Variants in TRAF3IP3 observed in about 807,000 individuals in gnomAD.
TRAF3IP3 encodes the protein TRAF3 interacting protein 3.
TRAF3IP3 carries 64 observed loss-of-function variants against 86.5 expected under a neutral mutation model. That is an observed-to-expected ratio of 0.74 (90% CI 0.60 to 0.91). The LOEUF (loss-of-function observed/expected upper bound fraction) is 0.91. Ranked by LOEUF, TRAF3IP3 falls within the 40% of genes least tolerant of loss-of-function variation. The pLI is 0.00. For missense variants in TRAF3IP3, 579 were observed against 642.9 expected, an observed-to-expected ratio of 0.90 and a Z score of 1.07; for synonymous variants, 220 against 243.9, an observed-to-expected ratio of 0.90 and a Z score of 0.91.
chr1:209,775,803 T>C (rs564467292), intron 11 of TRAF3IP3, 67 bp downstream of exon 11: 1 of 1,493,294 alleles, frequency 6.7e-7, no homozygotes, highest in Non-Finnish European at 9.0e-7. Context: ...TGAAAGAAGC[T>C]GTTCTGGATT....
chr1:209,763,408 C>T lies in TRAF3IP3; in HGVS notation c.606+16C>T. The T allele has an allele frequency of 3.7e-6, 6 of 1,613,758 alleles. No individual in the cohort carries two copies. The highest frequency in any genetic ancestry group is 5.1e-6 in the Non-Finnish European group (6 of 1,179,760). ...TTACCTCAAAGTAAGTGGCATGTGA[C>T]CCCTCCCCTCAGTTCCTCCATCCAC... On this transcript the variant is annotated intron_variant, in intron 7 of 16. Coordinates refer to ENST00000367025, the MANE Select transcript of TRAF3IP3 (RefSeq NM_025228.4).
chr1:209,775,577 T>A (rs1361448105), intron 10 of TRAF3IP3, 22 bp from the exon 11 acceptor site: 6 of 1,614,090 alleles, frequency 3.7e-6, no homozygotes, highest in Non-Finnish European at 5.1e-6. Context: ...CCTGGAGCCC[T>A]CTCCTCTCTG....
chr1:209,771,515 G>C (rs575305981), intron 8 of TRAF3IP3, among the ~76,000 whole-genome samples: 1 of 132,510 alleles, frequency 7.5e-6, no homozygotes, highest in East Asian at 2.3e-4. Flanking sequence ...GTGTGTGAAG[G>C]TGTGTGTGTG....
intron 9 of TRAF3IP3, among the ~76,000 whole-genome samples, chr1:209,774,745 G>T (rs1219303749): frequency 6.6e-6 from 1 of 152,172 alleles, no homozygotes; most frequent in Non-Finnish European, 1.5e-5. Context: ...GGCAAGATCA[G>T]ATTTGCATTT....
In TRAF3IP3 at chr1:209,782,069, G is replaced by T; in HGVS notation, c.1577G>T (p.Arg526Leu). ...GTCCCCCTACAGAGGCAATGTGGGC[G>T]ATGGCTCCCAGTGCTGATGGTGGTG... ...QQLPPRRQCG[R>L]WLPVLMVVIA... Residue 526 changes from arginine to leucine, a missense_variant, in exon 17 of 17, where the codon CGA (arginine) becomes CTA (leucine). Arg to Leu is a moderately radical substitution (Grantham distance 102). Transcript: ENST00000367025. 1 of 1,613,994 alleles carries T rather than the reference G, an allele frequency of 6.2e-7. No homozygotes were observed. Among genetic ancestry groups the T allele is most frequent in the Non-Finnish European group, 8.5e-7 (1 of 1,179,882 alleles).
chr1:209,768,187 T>C, intron 8 of TRAF3IP3: 4 of 985,462 alleles, frequency 4.1e-6, no homozygotes, highest in African/African-American at 3.5e-5. Context: ...TTCAGACCTT[T>C]ATTTTTGCCA....
At chr1:209,775,160 T>C in intron 9 of TRAF3IP3, 189 bp from the exon 10 acceptor site, 1 of 611,534 alleles carries the variant, frequency 1.6e-6, no homozygotes, top group Middle Eastern at 4.5e-4. Flanking sequence ...CTGTTTATTA[T>C]GCCCTCCACT....
chr1:209,775,381 A>G lies in TRAF3IP3; in HGVS notation c.807A>G (p.Leu269=), dbSNP rs536014144. ...CCCCTTGGGGAATGAAAAAAGTACT[A>G]CTGGAGATGGAAGACCAGAAAAACA... is the stretch of plus-strand genomic sequence containing the variant. ...KYSPWGMKKV[L]LEMEDQKNSY... Residue 269 remains leucine (L), a synonymous_variant, in exon 10 of 17, where the codon CTA becomes CTG. Transcript: ENST00000367025. 41 of 1,613,924 alleles carry G rather than the reference A, an allele frequency of 2.5e-5. No individual in the cohort carries two copies. The South Asian group carries it at 3.6e-4, about 14-fold the overall frequency.
intron 2 of TRAF3IP3, 26 bp downstream of exon 2, chr1:209,759,160 C>G (rs2077202341): frequency 1.3e-5 from 2 of 152,210 alleles, no homozygotes; most frequent in African/African-American, 4.8e-5. Context: ...GAAATGGAAC[C>G]CTCAGCCCCA....
chr1:209,766,461 C>T (rs78267924), intron 8 of TRAF3IP3, among the ~76,000 whole-genome samples: 6,161 of 152,212 alleles, frequency 0.04, 593 homozygotes, highest in East Asian at 0.3. Context: ...ATAAATAACA[C>T]CAAAACAGTA....
intron 8 of TRAF3IP3, among the ~76,000 whole-genome samples, chr1:209,771,595 T>G (rs1360372555): frequency 9.4e-6 from 1 of 106,404 alleles, no homozygotes; most frequent in Non-Finnish European, 1.8e-5. Flanking sequence ...CATGTGGAGG[T>G]GTGTGTGCGC....
At position 209,763,087 on chromosome 1, in the gene TRAF3IP3, G is replaced by C. The variant is rs753776916; in HGVS notation, c.571G>C (p.Asp191His). ...TTCCAGTTACGGAGTTGCAGTTCTG[G>C]ATAAGGTAAGCACATATTCACTTTG... Reference protein sequence around the residue: ...QQTNYGVAVLDKEIIQLSDYL... With the variant: ...QQTNYGVAVLHKEIIQLSDYL... Residue 191 changes from aspartate to histidine, a missense_variant, in exon 6 of 17, where the codon GAT becomes CAT. Physicochemically the swap from Asp to His is moderately conservative, Grantham distance 81. Coordinates refer to ENST00000367025, the MANE Select transcript of TRAF3IP3 (RefSeq NM_025228.4). 2 of 1,613,426 alleles carry C rather than the reference G, an allele frequency of 1.2e-6. No homozygotes were observed. The highest frequency in any genetic ancestry group is 1.7e-6 in the Non-Finnish European group (2 of 1,179,654).
chr1:209,770,280 G>A (rs2077440000), intron 8 of TRAF3IP3, among the ~76,000 whole-genome samples: 1 of 152,180 alleles, frequency 6.6e-6, no homozygotes, highest in South Asian at 2.1e-4. Flanking sequence ...TTCTCATCTT[G>A]AGTCTAGTAT....
At chr1:209,771,032 G>A (rs2077489922) in intron 8 of TRAF3IP3, among the ~76,000 whole-genome samples, 1 of 129,170 alleles carries the variant, frequency 7.7e-6, no homozygotes, top group Non-Finnish European at 1.6e-5. Context: ...GTGTGTGTGT[G>A]CTCAGGTGGA....
chr1:209,779,027 C>G, intron 13 of TRAF3IP3: 1 of 462,810 alleles, frequency 2.2e-6, no homozygotes, highest in Non-Finnish European at 3.9e-6. Context: ...ATGAACATAT[C>G]TGTGTCCATA....
At chr1:209,764,589 A>G (rs2077306047) in intron 8 of TRAF3IP3, among the ~76,000 whole-genome samples, 1 of 152,020 alleles carries the variant, frequency 6.6e-6, no homozygotes, top group African/African-American at 2.4e-5. Context: ...TAAAAATACA[A>G]AAATATTAGC....
At position 209,768,469 on chromosome 1, in the gene TRAF3IP3, G is replaced by A. The variant is rs562731715; in HGVS notation, c.703-4479G>A. The A allele has an allele frequency of 1.1e-4, 109 of 985,520 alleles. No individual in the cohort carries two copies. In the East Asian group the frequency reaches 1.6e-3, roughly 14 times the overall value. The allele number at this position is 985,520 out of a possible 1,614,324, so 61.0% of individuals were successfully genotyped here. A position where few individuals can be genotyped will look rare whatever the true frequency, so the allele number is the denominator to read the frequency against. On this transcript the variant is annotated intron_variant, in intron 8 of 16. Coordinates refer to ENST00000367025, the MANE Select transcript of TRAF3IP3 (RefSeq NM_025228.4). ...GGCAGCCTTGGGTTTGAAGATCTGC[G>A]TCCTGGAATTAAGATCTTGAGATGA...
At chr1:209,760,414 G>A (rs1244290325) in intron 3 of TRAF3IP3, 30 bp downstream of exon 3, 1 of 1,525,012 alleles carries the variant, frequency 6.6e-7, no homozygotes, top group Admixed American at 2.0e-5. Flanking sequence ...ATACTGCTGT[G>A]TGCTCTGGGA....
At chr1:209,759,913 T>C in intron 2 of TRAF3IP3, 69 bp from the exon 3 acceptor site, 2 of 735,356 alleles carry the variant, frequency 2.7e-6, no homozygotes, top group South Asian at 3.5e-5. Flanking sequence ...CCCCCTGGTC[T>C]AGGGAGATAG....
Sources: allele counts gnomAD v4.1 joint callset (sites outside exome capture counted in the v4.1 genomes callset), GRCh38; gene constraint gnomAD v4.1.1; transcripts MANE v1.5; gene names NCBI Gene and HGNC (gene_info 2026-07-23, HGNC 2026-07-21).